USP32: variants seen among roughly 807,000 people sequenced by gnomAD.
The protein encoded by USP32 is ubiquitin carboxyl-terminal hydrolase 32.
A neutral mutation model predicts 204.8 loss-of-function variants in USP32; 59 were observed. That is an observed-to-expected ratio of 0.29 (90% CI 0.23 to 0.36). The LOEUF (loss-of-function observed/expected upper bound fraction) is 0.36, where lower values mean the gene tolerates loss of function less well. USP32 is among the 10% of genes least tolerant of loss of function. The pLI, the probability that USP32 is intolerant of heterozygous loss-of-function variation, is 1.00. For missense variants in USP32, 1,160 were observed against 1,946.4 expected (o/e 0.60, Z 7.60); for synonymous variants, 517 against 678.4 (o/e 0.76, Z 3.70).
intron 9 of USP32, chr17:60,256,807 A>G: frequency 8.8e-7 from 1 of 1,135,962 alleles, no homozygotes; most frequent in Non-Finnish European, 1.1e-6. Context: ...GTTTGAATTC[A>G]TACTTATAGG....
intron 12 of USP32, among the ~76,000 whole-genome samples, chr17:60,227,364 G>A (rs2085422803): frequency 6.7e-6 from 1 of 149,772 alleles, no homozygotes. Context: ...CCACCTCCCA[G>A]GTTCAGGAGA....
intron 1 of USP32, among the ~76,000 whole-genome samples, chr17:60,381,004 G>T (rs1372914186): frequency 6.6e-6 from 1 of 152,106 alleles, no homozygotes; most frequent in Non-Finnish European, 1.5e-5. Flanking sequence ...TGAAACATTT[G>T]AATATTTGCA....
chr17:60,214,393 A>C (rs1294607745), intron 17 of USP32, among the ~76,000 whole-genome samples: 1 of 151,964 alleles, frequency 6.6e-6, no homozygotes. Context: ...AGTAACTTAA[A>C]AGATGAACTT....
At chr17:60,262,027 T>C (rs2086465580) in intron 9 of USP32, among the ~76,000 whole-genome samples, 1 of 152,168 alleles carries the variant, frequency 6.6e-6, no homozygotes, top group Non-Finnish European at 1.5e-5. Flanking sequence ...ATATAGAGCA[T>C]TATGCTTAAA....
chr17:60,255,574 A>C (rs2086281350), intron 9 of USP32, among the ~76,000 whole-genome samples: 1 of 152,322 alleles, frequency 6.6e-6, no homozygotes, highest in Non-Finnish European at 1.5e-5. Context: ...CCGGGATTAC[A>C]GGCATCTGCC....
chr17:60,204,421 C>A (rs540487115), intron 26 of USP32, among the ~76,000 whole-genome samples: 1 of 151,346 alleles, frequency 6.6e-6, no homozygotes, highest in East Asian at 1.9e-4. Context: ...GCTTCAAAAT[C>A]CTGTCCTAAA....
rs115751951 is a variant in USP32 at position 60,283,234 on chromosome 17, G to A, written c.571+5289C>T. Among the ~76,000 whole-genome samples the A allele has an allele frequency of 5.7e-4, 87 of 152,294 alleles. 1 individual carries two copies. Among genetic ancestry groups the A allele is most frequent in the African/African-American group, 2.0e-3 (84 of 41,560 alleles). Reference sequence around the variant, plus strand: ...TGTAGCTATAATATAAAAGTTCATGGTGTGGTCACGGTATATTGACCAGTG... The same window carrying A: ...TGTAGCTATAATATAAAAGTTCATGATGTGGTCACGGTATATTGACCAGTG... On this transcript the variant is annotated intron_variant, in intron 5 of 33. Coordinates refer to ENST00000300896, the MANE Select transcript of USP32 (RefSeq NM_032582.4).
At chr17:60,179,460 G>C in intron 33 of USP32, 32 bp from the exon 34 acceptor site, 1 of 1,610,406 alleles carries the variant, frequency 6.2e-7, no homozygotes, top group African/African-American at 1.3e-5. Flanking sequence ...TTAACAAAAA[G>C]CCATCACTAC....
chr17:60,279,845 ATAATAAT>A (rs1467490421), intron 5 of USP32, among the ~76,000 whole-genome samples: 29 of 146,478 alleles, frequency 2.0e-4, no homozygotes, highest in South Asian at 1.1e-3. Context: ...TCAAATAATA[ATAATAAT>A]TAATAATAAT....
chr17:60,275,197 C>T (rs2086811178), intron 5 of USP32, among the ~76,000 whole-genome samples: 1 of 152,184 alleles, frequency 6.6e-6, no homozygotes, highest in African/African-American at 2.4e-5. Context: ...TGGCTCACGC[C>T]TGTAATCCTA....
At chr17:60,198,574 T>C in intron 26 of USP32, 130 bp from the exon 27 acceptor site, 1 of 1,169,664 alleles carries the variant, frequency 8.5e-7, no homozygotes, top group South Asian at 1.7e-5. Flanking sequence ...CATTCTTCTC[T>C]GTATTTATAA....
chr17:60,200,434 C>A (rs1208355007), intron 26 of USP32, among the ~76,000 whole-genome samples: 1 of 151,698 alleles, frequency 6.6e-6, no homozygotes, highest in Admixed American at 6.6e-5. Context: ...GTGCCGCATG[C>A]CTGTAATCCC....
At position 60,271,277 on chromosome 17, in the gene USP32, A is replaced by G. The variant is rs2086718083; in HGVS notation, c.703+73T>C. 4 of 1,549,606 alleles carry G rather than the reference A, an allele frequency of 2.6e-6. No individual in the cohort carries two copies. In the South Asian group the frequency reaches 3.6e-5, roughly 14 times the overall value. ...AGATGGTTTCTTAGAGTTAAAATGT[A>G]TTGGTTACAAATATGAGATGGGCTC... On this transcript the variant is annotated intron_variant, in intron 6 of 33. Transcript: ENST00000300896.
At chr17:60,412,534 C>CAAAA (rs202179814) in intron 1 of USP32, among the ~76,000 whole-genome samples, 1 of 108,602 alleles carries the variant, frequency 9.2e-6, no homozygotes, top group Non-Finnish European at 2.0e-5. Context: ...TACCCTGTTT[C>CAAAA]AAAAAAAAAA....
intron 11 of USP32, among the ~76,000 whole-genome samples, chr17:60,245,080 A>T (rs1324286101): frequency 2.6e-5 from 4 of 152,212 alleles, no homozygotes; most frequent in Non-Finnish European, 5.9e-5. Flanking sequence ...CTCATATAAG[A>T]TCGTTATATG....
At chr17:60,356,910 T>C (rs746002121) in intron 1 of USP32, among the ~76,000 whole-genome samples, 4 of 151,940 alleles carry the variant, frequency 2.6e-5, no homozygotes, top group Admixed American at 6.6e-5. Flanking sequence ...AAAACATGCC[T>C]AATGACTTCA....
chr17:60,411,026 G>T (rs1165948903), intron 1 of USP32, among the ~76,000 whole-genome samples: 2 of 150,578 alleles, frequency 1.3e-5, no homozygotes, highest in African/African-American at 4.9e-5. Context: ...AAAAAAAAAA[G>T]TTTTTAAAGT....
At chr17:60,368,659 G>C (rs2089366868) in intron 1 of USP32, among the ~76,000 whole-genome samples, 1 of 151,892 alleles carries the variant, frequency 6.6e-6, no homozygotes. Flanking sequence ...TCAAAAAATA[G>C]TAAACATAAA....
intron 2 of USP32, among the ~76,000 whole-genome samples, chr17:60,322,399 A>G (rs970235134): frequency 6.6e-6 from 1 of 152,204 alleles, no homozygotes; most frequent in Admixed American, 6.5e-5. Context: ...AAAGCATGGC[A>G]TATACAACTT....
Sources: allele counts gnomAD v4.1 joint callset (sites outside exome capture counted in the v4.1 genomes callset), GRCh38; gene constraint gnomAD v4.1.1; transcripts MANE v1.5; gene names NCBI Gene and HGNC (gene_info 2026-07-23, HGNC 2026-07-21).